Variants in TET2 observed in about 807,000 individuals in gnomAD.
TET2 encodes tet methylcytosine dioxygenase 2.
A neutral mutation model predicts 142.9 loss-of-function variants in TET2; 299 were observed. The ratio of observed to expected loss-of-function variants is 2.09; its 90% CI spans 1.90 to 2.30. The LOEUF (loss-of-function observed/expected upper bound fraction) is 2.30. TET2 is among the 30% of genes most tolerant of loss of function. The pLI, the probability that TET2 is intolerant of heterozygous loss-of-function variation, is 0.00. For missense variants in TET2, 2,418 were observed against 2,378.0 expected, an observed-to-expected ratio of 1.02 and a Z score of -0.35; for synonymous variants, 819 against 849.0, an observed-to-expected ratio of 0.96 and a Z score of 0.61.
At chr4:105,267,813 A>C (rs1730759475) in intron 8 of TET2, among the ~76,000 whole-genome samples, 1 of 152,058 alleles carries the variant, frequency 6.6e-6, no homozygotes, top group Non-Finnish European at 1.5e-5. Flanking sequence ...AATAAATTAA[A>C]AAGATATTTT....
At chr4:105,189,106 A>C (rs1725632705) in intron 1 of TET2, among the ~76,000 whole-genome samples, 1 of 152,136 alleles carries the variant, frequency 6.6e-6, no homozygotes, top group South Asian at 2.1e-4. Flanking sequence ...AACGTGTCCC[A>C]GTCTCAGCTT....
Position 105,261,754 on chromosome 4 carries a change from T to C in TET2, c.3955-5T>C, listed in dbSNP as rs1418701207. The C allele has an allele frequency of 6.5e-7, 1 of 1,527,492 alleles. No homozygotes were observed. Among genetic ancestry groups the C allele is most frequent in the Non-Finnish European group, 8.9e-7 (1 of 1,126,600 alleles). 94.6% of individuals were successfully genotyped at this position (1,527,492 alleles called of 1,614,324 possible). On this transcript the variant is annotated splice_region_variant and splice_polypyrimidine_tract_variant and intron_variant, in intron 7 of 10. Coordinates refer to ENST00000380013, the MANE Select transcript of TET2 (RefSeq NM_001127208.3). ...TTAATATGTAGAATTATTCACTTTA[T>C]ACAGGAAGAGAAACTGGAGTCTCAT... is the stretch of plus-strand genomic sequence containing the variant.
rs778153146 is a variant in TET2 at position 105,275,785 on chromosome 4, C to G, written c.5275C>G (p.Pro1759Ala). 6.4e-7 allele frequency: 1 copy of G among 1,551,718 alleles called. No homozygotes were observed. The highest frequency in any genetic ancestry group is 8.7e-7 in the Non-Finnish European group (1 of 1,146,990). The change falls in exon 11 of 11, where the codon CCT becomes GCT. Residue 1759 changes from proline to alanine, a missense_variant. Pro to Ala is a conservative substitution (Grantham distance 27). Transcript: ENST00000380013. ...MDYKNGEHHS[P>A]SHIIHNYSAA... ...CTATAAAAATGGTGAACATCATTCACCTTCTCACATAATCCATAACTACAG... is the reference window on the plus strand; with the variant it reads ...CTATAAAAATGGTGAACATCATTCAGCTTCTCACATAATCCATAACTACAG...
rs1244784238 is a variant in TET2, at chr4:105,234,932, GAT to G, written c.993_994del (p.Ile331MetfsTer8). ...TACAACAACAAAAATCAGTTTTTGA[GAT>G]ATGCCCATCTCCTGCAGAAAATAAC... ...QLQQQKSVFE[I>X]CPSPAENNIQ... On this transcript the variant is annotated frameshift_variant, in exon 3 of 11. Transcript: ENST00000380013. LOFTEE classifies it high-confidence loss of function. The G allele has an allele frequency of 6.2e-7, 1 of 1,614,042 alleles. No homozygotes were observed. Among genetic ancestry groups the G allele is most frequent in the Non-Finnish European group, 8.5e-7 (1 of 1,179,998 alleles).
rs1472293244 is a variant in TET2 at position 105,235,027 on chromosome 4, C to T, written c.1085C>T (p.Ala362Val). ...TCAGGTTCCAGCAGCAATTTGCAAG[C>T]TCCTGGTGGCAGCTCTGAACGGTAT... is the stretch of plus-strand genomic sequence containing the variant. ...FCSGSSSNLQ[A>V]PGGSSERYLK... is the part of the protein sequence containing the mutation. Residue 362 changes from alanine to valine, a missense_variant, in exon 3 of 11, where the codon GCT (alanine) becomes GTT (valine). Coordinates refer to ENST00000380013, the MANE Select transcript of TET2 (RefSeq NM_001127208.3). The T allele has an allele frequency of 3.7e-6, 6 of 1,614,152 alleles. No homozygotes were observed. In the South Asian group the frequency reaches 6.6e-5, roughly 18 times the overall value.
Position 105,234,095 on chromosome 4 carries a change from C to T in TET2, c.153C>T (p.Asp51=). The change falls in exon 3 of 11, where the codon GAC becomes GAT. Residue 51 remains aspartate (D), a synonymous_variant. Transcript: ENST00000380013. ...GAGCTCATCCAGAAGTAAATGGAGA[C>T]ACCAAGTGGCACTCTTTCAAAAGTT... ...PERAHPEVNG[D]TKWHSFKSYY... 6.2e-7 allele frequency: 1 copy of T among 1,614,036 alleles called. No individual in the cohort carries two copies. The highest frequency in any genetic ancestry group is 8.5e-7 in the Non-Finnish European group (1 of 1,179,988).
chr4:105,164,017 T>G (rs1724023954), intron 1 of TET2, among the ~76,000 whole-genome samples: 1 of 152,176 alleles, frequency 6.6e-6, no homozygotes, highest in Non-Finnish European at 1.5e-5. Context: ...CACATGTCCA[T>G]CACCTCTCAG....
chr4:105,237,485 A>C (rs1290084154), intron 3 of TET2, 134 bp downstream of exon 3: 1 of 1,606,204 alleles, frequency 6.2e-7, no homozygotes, highest in Admixed American at 1.7e-5. Context: ...AAAAATCTGA[A>C]GCTTACATTT....
intron 3 of TET2, chr4:105,239,067 G>GTTTTTTTTT (rs368644313): frequency 6.5e-5 from 6 of 92,676 alleles, no homozygotes; most frequent in Non-Finnish European, 1.0e-4. Flanking sequence ...TTTTGGTTTT[G>GTTTTTTTTT]TTTTTTGTTT....
intron 1 of TET2, among the ~76,000 whole-genome samples, chr4:105,156,466 A>G (rs1723573369): frequency 6.6e-6 from 1 of 152,210 alleles, no homozygotes; most frequent in African/African-American, 2.4e-5. Flanking sequence ...AAGTAATGGT[A>G]ATTTTAATTA....
chr4:105,236,382 CG>C lies in TET2; in HGVS notation c.2441del (p.Arg814LeufsTer10), dbSNP rs772458133. 6.2e-7 allele frequency: 1 copy of C among 1,613,894 alleles called. No individual in the cohort carries two copies. The highest frequency in any genetic ancestry group is 8.5e-7 in the Non-Finnish European group (1 of 1,179,992). ...MGLEEVQNIN[R>X]RNSPYSQTMK... Reference sequence around the variant, plus strand: ...ACTGGAGGAAGTACAGAATATAAATCGTAGAAATTCCCCTTATAGTCAGACC... The same window carrying C: ...ACTGGAGGAAGTACAGAATATAAATCTAGAAATTCCCCTTATAGTCAGACC... On this transcript the variant is annotated frameshift_variant, in exon 3 of 11. Transcript: ENST00000380013. LOFTEE classifies it high-confidence loss of function.
chr4:105,225,564 A>T (rs1348082463), intron 2 of TET2, among the ~76,000 whole-genome samples: 6 of 152,124 alleles, frequency 3.9e-5, no homozygotes, highest in Non-Finnish European at 8.8e-5. Context: ...TACAAGAGTG[A>T]CTTGGGTGGC....
At chr4:105,152,011 C>T (rs554210470) in intron 1 of TET2, among the ~76,000 whole-genome samples, 2 of 152,278 alleles carry the variant, frequency 1.3e-5, no homozygotes, top group African/African-American at 4.8e-5. Context: ...GGCATGGTGG[C>T]TCATACCTAT....
At chr4:105,266,477 C>T (rs1261936835) in intron 8 of TET2, among the ~76,000 whole-genome samples, 2 of 151,956 alleles carry the variant, frequency 1.3e-5, no homozygotes, top group Non-Finnish European at 2.9e-5. Context: ...TAAAAATAGT[C>T]CCAGAACTGA....
intron 2 of TET2, among the ~76,000 whole-genome samples, chr4:105,197,500 T>C (rs1215356510): frequency 1.3e-5 from 2 of 152,208 alleles, no homozygotes; most frequent in African/African-American, 2.4e-5. Flanking sequence ...ATGTAGGCTC[T>C]TGTAGGAGGC....
intron 2 of TET2, chr4:105,190,843 A>C (rs762165633): frequency 2.5e-5 from 5 of 202,822 alleles, no homozygotes; most frequent in African/African-American, 4.6e-5. Context: ...TAGAGTATTT[A>C]TCGCCTCCAT....
chr4:105,248,410 G>A (rs1377965529), intron 6 of TET2, among the ~76,000 whole-genome samples: 1 of 152,108 alleles, frequency 6.6e-6, no homozygotes, highest in Non-Finnish European at 1.5e-5. Context: ...TTTACAATTA[G>A]AAGTCCAAAT....
chr4:105,201,014 A>T (rs1652648899), intron 2 of TET2, among the ~76,000 whole-genome samples: 1 of 152,136 alleles, frequency 6.6e-6, no homozygotes, highest in African/African-American at 2.4e-5. Context: ...TGGAGTGCTT[A>T]TGTCTTGTTT....
chr4:105,217,843 C>T (rs898543239), intron 2 of TET2, among the ~76,000 whole-genome samples: 1 of 151,956 alleles, frequency 6.6e-6, no homozygotes, highest in African/African-American at 2.4e-5. Context: ...CATTAGGACA[C>T]ATCTCTAGTT....
Sources: gnomAD v4.1 joint callset for allele counts (sites outside exome capture counted in the v4.1 genomes callset) on GRCh38, gnomAD v4.1.1 for gene constraint, MANE v1.5 for transcripts, NCBI Gene and HGNC (gene_info 2026-07-23, HGNC 2026-07-21) for gene names.